Variants in HIBADH observed in about 807,000 individuals in gnomAD.
The protein encoded by HIBADH is 3-hydroxyisobutyrate dehydrogenase, also known as 3-hydroxyisobutyrate dehydrogenase, mitochondrial.
Under a neutral mutation model 36.1 loss-of-function variants are expected in HIBADH, and 25 were observed. That is an observed-to-expected ratio of 0.69 (90% CI 0.50 to 0.97). The LOEUF (loss-of-function observed/expected upper bound fraction) is 0.97. HIBADH is among the 50% of genes least tolerant of loss of function. The pLI is 0.00. For synonymous variants in HIBADH, 160 were observed against 149.5 expected (o/e 1.07, Z -0.51); for missense variants, 421 against 418.0 (o/e 1.01, Z -0.06).
intron 4 of HIBADH, among the ~76,000 whole-genome samples, chr7:27,623,077 A>T (rs1159970439): frequency 1.3e-5 from 2 of 152,222 alleles, no homozygotes; most frequent in East Asian, 3.8e-4. Flanking sequence ...ATCAAGTGAG[A>T]TTTACACCAG....
At chr7:27,659,143 C>T (rs1035550117) in intron 1 of HIBADH, among the ~76,000 whole-genome samples, 3 of 152,188 alleles carry the variant, frequency 2.0e-5, no homozygotes, top group Admixed American at 6.5e-5. Context: ...TGTTTCTATA[C>T]ATGATGCTAA....
intron 1 of HIBADH, among the ~76,000 whole-genome samples, chr7:27,661,736 T>TTG (rs1786423598): frequency 4.0e-5 from 6 of 151,824 alleles, no homozygotes; most frequent in Admixed American, 1.3e-4. Context: ...CGATGCATTG[T>TTG]TACAACTCTC....
At position 27,586,520 on chromosome 7, in the gene HIBADH, T is replaced by C. The variant is rs188421955; in HGVS notation, c.484+42851A>G. ...TAATTTTGCTTCTAGAAATTAAAATTTCCTCAATTCCATCTGAGCAATCAA... is the reference window on the plus strand; with the variant it reads ...TAATTTTGCTTCTAGAAATTAAAATCTCCTCAATTCCATCTGAGCAATCAA... On this transcript the variant is annotated intron_variant, in intron 4 of 7. Coordinates refer to ENST00000265395, the MANE Select transcript of HIBADH (RefSeq NM_152740.4). 7.7e-4 allele frequency among the ~76,000 whole-genome samples: 117 copies of C among 152,250 alleles called. 2 individuals are homozygous for C. The highest frequency in any genetic ancestry group is 2.6e-3 in the African/African-American group (108 of 41,532).
At chr7:27,591,920 CTT>C (rs892223071) in intron 4 of HIBADH, among the ~76,000 whole-genome samples, 22 of 152,204 alleles carry the variant, frequency 1.4e-4, no homozygotes, top group African/African-American at 5.1e-4. Flanking sequence ...ATGTGAGTGT[CTT>C]GTCAATCGAG....
intron 4 of HIBADH, among the ~76,000 whole-genome samples, chr7:27,612,965 A>T (rs1361940881): frequency 7.2e-6 from 1 of 139,438 alleles, no homozygotes; most frequent in Non-Finnish European, 1.5e-5. Flanking sequence ...TATATTATTT[A>T]TATATATATT....
intron 2 of HIBADH, among the ~76,000 whole-genome samples, chr7:27,636,206 C>T (rs1226622673): frequency 6.6e-6 from 1 of 152,072 alleles, no homozygotes; most frequent in Non-Finnish European, 1.5e-5. Flanking sequence ...ATCTTGCTGC[C>T]TCTTCTAGAT....
chr7:27,662,652 G>A (rs762349056), intron 1 of HIBADH, 46 bp downstream of exon 1: 40 of 1,167,800 alleles, frequency 3.4e-5, no homozygotes, highest in Non-Finnish European at 4.3e-5. Flanking sequence ...CAGAAGAAGC[G>A]AGCGGCCGAA....
intron 2 of HIBADH, among the ~76,000 whole-genome samples, chr7:27,641,277 A>T (rs1038562833): frequency 6.6e-6 from 1 of 152,200 alleles, no homozygotes; most frequent in Non-Finnish European, 1.5e-5. Flanking sequence ...TCACTGAAAG[A>T]ACAGCTGACA....
intron 3 of HIBADH, among the ~76,000 whole-genome samples, chr7:27,631,473 C>G (rs1414806365): frequency 6.6e-6 from 1 of 152,172 alleles, no homozygotes; most frequent in Non-Finnish European, 1.5e-5. Context: ...CTTCTTGTGA[C>G]TACAGTGTCT....
chr7:27,562,812 G>A (rs1331635067), intron 4 of HIBADH, among the ~76,000 whole-genome samples: 1 of 152,062 alleles, frequency 6.6e-6, no homozygotes, highest in East Asian at 1.9e-4. Flanking sequence ...TAGGATCAAA[G>A]GATAACCTTT....
intron 1 of HIBADH, among the ~76,000 whole-genome samples, chr7:27,658,809 CAT>C (rs1468369638): frequency 6.6e-6 from 1 of 152,164 alleles, no homozygotes. Flanking sequence ...TATTTTATCA[CAT>C]AATACTACGT....
At chr7:27,654,080 TCTA>T (rs1786249932) in intron 1 of HIBADH, among the ~76,000 whole-genome samples, 1 of 152,156 alleles carries the variant, frequency 6.6e-6, no homozygotes, top group South Asian at 2.1e-4. Context: ...TGAGATGAAA[TCTA>T]CTACTAAAAT....
intron 1 of HIBADH, among the ~76,000 whole-genome samples, chr7:27,654,257 C>A (rs1786253330): frequency 6.6e-6 from 1 of 151,976 alleles, no homozygotes; most frequent in Non-Finnish European, 1.5e-5. Flanking sequence ...CTTCAACCAC[C>A]CAAACACATA....
chr7:27,602,947 T>C (rs920376807), intron 4 of HIBADH, among the ~76,000 whole-genome samples: 1 of 152,094 alleles, frequency 6.6e-6, no homozygotes, highest in Non-Finnish European at 1.5e-5. Context: ...ATACCCAGCA[T>C]TGTTTATGTG....
intron 4 of HIBADH, among the ~76,000 whole-genome samples, chr7:27,562,902 ATTCC>A (rs920480548): frequency 6.6e-6 from 1 of 152,132 alleles, no homozygotes; most frequent in African/African-American, 2.4e-5. Context: ...TTTAATCATC[ATTCC>A]TTTTTTTATT....
At chr7:27,643,537 T>G (rs993767704) in intron 2 of HIBADH, among the ~76,000 whole-genome samples, 1 of 152,192 alleles carries the variant, frequency 6.6e-6, no homozygotes, top group Non-Finnish European at 1.5e-5. Flanking sequence ...AACAAGCGTA[T>G]AGAGACACTG....
intron 4 of HIBADH, among the ~76,000 whole-genome samples, chr7:27,550,427 T>G (rs540431234): frequency 1.3e-5 from 2 of 152,300 alleles, no homozygotes; most frequent in African/African-American, 4.8e-5. Context: ...TGAATCCTAA[T>G]TACTTCTCTG....
At position 27,596,685 on chromosome 7, in the gene HIBADH, T is replaced by A. The variant is rs1302864818; in HGVS notation, c.484+32686A>T. On this transcript the variant is annotated intron_variant, in intron 4 of 7. Transcript: ENST00000265395. ...TAAAGTAAATTTATTACAGGCTGAA[T>A]GTCCCTTATCTAAAATGCTTGGGAC... is the stretch of plus-strand genomic sequence containing the variant. Among the ~76,000 whole-genome samples the A allele has an allele frequency of 3.9e-5, 6 of 152,336 alleles. No individual in the cohort carries two copies. The East Asian group carries it at 1.2e-3, about 29-fold the overall frequency.
At chr7:27,571,757 T>TTTATTCTTCTATGGATGACAAGTTC (rs1784632150) in intron 4 of HIBADH, among the ~76,000 whole-genome samples, 2 of 152,174 alleles carry the variant, frequency 1.3e-5, no homozygotes, top group Non-Finnish European at 2.9e-5. Context: ...AGAAAGAATT[T>TTTATTCTTCTATGGATGACAAGTTC]TTATTCTTCT....
Sources: gnomAD v4.1 joint callset for allele counts (sites outside exome capture counted in the v4.1 genomes callset) on GRCh38, gnomAD v4.1.1 for gene constraint, MANE v1.5 for transcripts, NCBI Gene and HGNC (gene_info 2026-07-23, HGNC 2026-07-21) for gene names.